Variants in TLN2 observed in about 807,000 individuals in gnomAD.
The protein encoded by TLN2 is talin-2.
A neutral mutation model predicts 294.7 loss-of-function variants in TLN2; 118 were observed. That is an observed-to-expected ratio of 0.40 (90% CI 0.34 to 0.47). The LOEUF (loss-of-function observed/expected upper bound fraction) is 0.47, where lower values mean the gene tolerates loss of function less well. Ranked by LOEUF, TLN2 falls within the 20% of genes least tolerant of loss-of-function variation. The pLI is 0.84. For missense variants in TLN2, 3,083 were observed against 3,282.2 expected (o/e 0.94, Z 1.48); for synonymous variants, 1,431 against 1,304.5 (o/e 1.10, Z -2.09).
At chr15:62,530,966 A>T (rs2041009837) in intron 1 of TLN2, among the ~76,000 whole-genome samples, 1 of 152,114 alleles carries the variant, frequency 6.6e-6, no homozygotes, top group Non-Finnish European at 1.5e-5. Context: ...GCTCTTAATT[A>T]AGTTAGTCTA....
Position 62,717,628 on chromosome 15 carries a change from A to C in TLN2, c.2816A>C (p.Gln939Pro). 6.2e-7 allele frequency: 1 copy of C among 1,605,690 alleles called. No individual in the cohort carries two copies. ...GCCACACAGACCATCGCCGCCTCCC[A>C]GAATGCAGCTGTTTCCAACAAGAAC... is the stretch of plus-strand genomic sequence containing the variant. ...AAATQTIAAS[Q>P]NAAVSNKNPA... is the part of the protein sequence containing the mutation. The change falls in exon 24 of 59, where the codon CAG becomes CCG. Residue 939 changes from glutamine (Q) to proline (P), a missense_variant. Transcript: ENST00000636159.
At chr15:62,833,405 G>A (rs2069087632) in intron 54 of TLN2, 99 bp from the exon 55 acceptor site, 1 of 1,515,162 alleles carries the variant, frequency 6.6e-7, no homozygotes, top group Admixed American at 1.9e-5. Context: ...AAAAACAATA[G>A]GCAGGTGAAG....
chr15:62,840,421 G>A (rs2070516118), intron 58 of TLN2, 61 bp from the exon 59 acceptor site: 1 of 1,597,018 alleles, frequency 6.3e-7, no homozygotes, highest in Non-Finnish European at 8.5e-7. Context: ...TGAGCAGTGG[G>A]GTGGGTCGGA....
intron 22 of TLN2, among the ~76,000 whole-genome samples, chr15:62,713,897 C>CATATATATATATAT (rs34783254): frequency 1.8e-4 from 22 of 119,126 alleles, no homozygotes; most frequent in East Asian, 6.6e-4. Flanking sequence ...TTCTTTAAGC[C>CATATATATATATAT]ATATATATAT....
Position 62,483,973 on chromosome 15 carries a change from G to T in TLN2, c.-238+93288G>T, listed in dbSNP as rs913491595. Among the ~76,000 whole-genome samples, 5 of 152,282 alleles carry T rather than the reference G, an allele frequency of 3.3e-5. No individual in the cohort carries two copies. In the East Asian group the frequency reaches 9.7e-4, roughly 29 times the overall value. ...AGAGAAGATGTTAGGGAAAGTGGTG[G>T]GGTGGAAGTAGGGAGGAGGTGAGCC... On this transcript the variant is annotated intron_variant, in intron 1 of 58. Transcript: ENST00000636159.
At chr15:62,772,465 G>A (rs1311614678) in intron 42 of TLN2, among the ~76,000 whole-genome samples, 1 of 152,190 alleles carries the variant, frequency 6.6e-6, no homozygotes, top group East Asian at 1.9e-4. Context: ...GAAACGATAG[G>A]GTGCCCTGCA....
intron 1 of TLN2, among the ~76,000 whole-genome samples, chr15:62,583,970 C>T (rs2045368714): frequency 6.6e-6 from 1 of 151,974 alleles, no homozygotes; most frequent in Non-Finnish European, 1.5e-5. Flanking sequence ...CTTTTCTTGC[C>T]CTCCTAGTAA....
chr15:62,710,284 A>AT (rs2059340530), intron 21 of TLN2, among the ~76,000 whole-genome samples: 1 of 152,178 alleles, frequency 6.6e-6, no homozygotes, highest in Non-Finnish European at 1.5e-5. Flanking sequence ...TTTTAAATGT[A>AT]TTTAAGAAAT....
At chr15:62,704,728 A>G (rs781311861) in intron 19 of TLN2, among the ~76,000 whole-genome samples, 11 of 152,246 alleles carry the variant, frequency 7.2e-5, no homozygotes, top group Admixed American at 2.6e-4. Flanking sequence ...CTAGAATCAA[A>G]ATGAACTGCA....
At chr15:62,493,317 A>G (rs895548370) in intron 1 of TLN2, among the ~76,000 whole-genome samples, 1 of 152,084 alleles carries the variant, frequency 6.6e-6, no homozygotes, top group Non-Finnish European at 1.5e-5. Context: ...CAGGCCAGCT[A>G]TGTTGAAGCT....
intron 52 of TLN2, among the ~76,000 whole-genome samples, chr15:62,818,101 C>T (rs1055621921): frequency 3.9e-5 from 6 of 152,094 alleles, no homozygotes; most frequent in African/African-American, 1.2e-4. Context: ...TGAGCCACTG[C>T]GCCCAGCCTC....
intron 28 of TLN2, chr15:62,733,918 G>A (rs999899383): frequency 1.3e-5 from 2 of 152,240 alleles, no homozygotes; most frequent in South Asian, 2.1e-4. Context: ...ATCTGATCCT[G>A]TAGTGATGAC....
chr15:62,542,901 T>C (rs934976736), intron 1 of TLN2, among the ~76,000 whole-genome samples: 1 of 152,176 alleles, frequency 6.6e-6, no homozygotes, highest in Admixed American at 6.5e-5. Flanking sequence ...GTCATGAAAT[T>C]CACTAAGACT....
At chr15:62,702,964 A>G in intron 19 of TLN2, 100 bp downstream of exon 19, 1 of 1,091,494 alleles carries the variant, frequency 9.2e-7, no homozygotes, top group Non-Finnish European at 1.4e-6. Flanking sequence ...TAAATCTTTG[A>G]GATAGTCAAG....
At chr15:62,464,397 G>A (rs1470717562) in intron 1 of TLN2, among the ~76,000 whole-genome samples, 6 of 152,058 alleles carry the variant, frequency 3.9e-5, no homozygotes, top group African/African-American at 1.5e-4. Context: ...CACAGGAAGG[G>A]GAACATCACA....
chr15:62,453,040 G>C (rs1367561148), intron 1 of TLN2, among the ~76,000 whole-genome samples: 2 of 152,200 alleles, frequency 1.3e-5, no homozygotes, highest in Non-Finnish European at 2.9e-5. Flanking sequence ...TCCAAAGACT[G>C]CATGGGAAAT....
At chr15:62,476,210 C>T (rs542106145) in intron 1 of TLN2, 1 of 152,402 alleles carries the variant, frequency 6.6e-6, no homozygotes, top group South Asian at 2.1e-4. Flanking sequence ...GCATTTTTCC[C>T]TCCTCCTGCT....
intron 1 of TLN2, among the ~76,000 whole-genome samples, chr15:62,438,447 A>G (rs1449661569): frequency 6.6e-6 from 1 of 152,184 alleles, no homozygotes; most frequent in Non-Finnish European, 1.5e-5. Context: ...GTGCACCTTT[A>G]TCTGCTGAGA....
intron 1 of TLN2, among the ~76,000 whole-genome samples, chr15:62,577,473 CAAAA>C (rs971128286): frequency 5.3e-5 from 8 of 152,052 alleles, no homozygotes; most frequent in African/African-American, 1.9e-4. Flanking sequence ...CAAACAAAAA[CAAAA>C]AACACAAACA....
Sources: gnomAD v4.1 joint callset for allele counts (sites outside exome capture counted in the v4.1 genomes callset) on GRCh38, gnomAD v4.1.1 for gene constraint, MANE v1.5 for transcripts, NCBI Gene and HGNC (gene_info 2026-07-23, HGNC 2026-07-21) for gene names.